DUSP16: variants seen among roughly 807,000 people sequenced by gnomAD.
DUSP16 encodes the protein dual specificity protein phosphatase 16.
DUSP16 carries 21 observed loss-of-function variants against 58.3 expected under a neutral mutation model. The observed-to-expected ratio is 0.36, with a 90% CI of 0.26 to 0.52. The LOEUF (loss-of-function observed/expected upper bound fraction) is 0.52. Ranked by LOEUF, DUSP16 falls within the 20% of genes least tolerant of loss-of-function variation. DUSP16 has a pLI of 0.94. For missense variants in DUSP16, 726 were observed against 819.0 expected (o/e 0.89, Z 1.39); for synonymous variants, 320 against 323.8 (o/e 0.99, Z 0.12).
intron 3 of DUSP16, among the ~76,000 whole-genome samples, chr12:12,515,337 T>A (rs1944132301): frequency 6.6e-6 from 1 of 151,784 alleles, no homozygotes; most frequent in South Asian, 2.1e-4. Context: ...ATGCTTTTTT[T>A]TTTTTTTGAG....
intron 3 of DUSP16, among the ~76,000 whole-genome samples, chr12:12,512,621 T>C (rs1249518351): frequency 6.6e-6 from 1 of 152,242 alleles, no homozygotes; most frequent in Non-Finnish European, 1.5e-5. Context: ...TCCTCCAGGT[T>C]CACCCATATT....
At chr12:12,510,574 A>G (rs1566008578) in intron 3 of DUSP16, among the ~76,000 whole-genome samples, 1 of 152,234 alleles carries the variant, frequency 6.6e-6, no homozygotes, top group Non-Finnish European at 1.5e-5. Context: ...CGTTTCACAT[A>G]TAAGTTCAAA....
At position 12,503,453 on chromosome 12, in the gene DUSP16, G is replaced by A. The variant is rs183241105; in HGVS notation, c.368-2771C>T. Among the ~76,000 whole-genome samples, 21 of 152,190 alleles carry A rather than the reference G, an allele frequency of 1.4e-4. No individual in the cohort carries two copies. In the East Asian group the frequency reaches 4.1e-3, roughly 29 times the overall value. ...TTGGCCAGGCTGGTCATGAACTCCTGACCTCAGGTGATCTGCCCACCTCGG... is the reference window on the plus strand; with the variant it reads ...TTGGCCAGGCTGGTCATGAACTCCTAACCTCAGGTGATCTGCCCACCTCGG... On this transcript the variant is annotated intron_variant, in intron 3 of 6. Transcript: ENST00000298573.
chr12:12,486,053 A>G (rs1443089123), intron 5 of DUSP16, among the ~76,000 whole-genome samples: 1 of 149,632 alleles, frequency 6.7e-6, no homozygotes, highest in Non-Finnish European at 1.5e-5. Flanking sequence ...TAGGCCTCCC[A>G]AAGTGCTGGG....
At chr12:12,493,515 T>G (rs1943789576) in intron 4 of DUSP16, among the ~76,000 whole-genome samples, 1 of 152,164 alleles carries the variant, frequency 6.6e-6, no homozygotes, top group African/African-American at 2.4e-5. Context: ...CTCTGAACTC[T>G]TTTTCTCAGA....
At chr12:12,536,733 C>T (rs1367865665) in intron 1 of DUSP16, among the ~76,000 whole-genome samples, 1 of 148,856 alleles carries the variant, frequency 6.7e-6, no homozygotes, top group Admixed American at 6.8e-5. Flanking sequence ...GCAACAAGAA[C>T]GAAACTCCAT....
At chr12:12,508,118 A>G (rs2136220390) in intron 3 of DUSP16, among the ~76,000 whole-genome samples, 1 of 152,344 alleles carries the variant, frequency 6.6e-6, no homozygotes, top group East Asian at 1.9e-4. Flanking sequence ...AGACAACTCT[A>G]ACATTAAAAA....
At chr12:12,536,701 C>G (rs1274352176) in intron 1 of DUSP16, among the ~76,000 whole-genome samples, 1 of 151,668 alleles carries the variant, frequency 6.6e-6, no homozygotes, top group Non-Finnish European at 1.5e-5. Context: ...GCCAAGATCG[C>G]TGCCATTGCA....
intron 1 of DUSP16, among the ~76,000 whole-genome samples, chr12:12,542,406 A>C (rs12315393): frequency 6.6e-6 from 1 of 151,240 alleles, no homozygotes; most frequent in Non-Finnish European, 1.5e-5. Context: ...AAAAAAAAAA[A>C]AAAGAAATAC....
At chr12:12,489,482 C>T (rs1943732404) in intron 4 of DUSP16, among the ~76,000 whole-genome samples, 1 of 152,188 alleles carries the variant, frequency 6.6e-6, no homozygotes, top group Admixed American at 6.5e-5. Flanking sequence ...GACTTTCTCA[C>T]CAATAGTCCT....
intron 1 of DUSP16, among the ~76,000 whole-genome samples, chr12:12,544,728 C>G (rs1023965338): frequency 2.6e-5 from 4 of 152,192 alleles, no homozygotes; most frequent in African/African-American, 9.7e-5. Flanking sequence ...TATGGCTGAA[C>G]ACTGCTAGAA....
At chr12:12,513,366 T>A (rs1362164457) in intron 3 of DUSP16, among the ~76,000 whole-genome samples, 1 of 152,182 alleles carries the variant, frequency 6.6e-6, no homozygotes, top group Non-Finnish European at 1.5e-5. Flanking sequence ...AGAATATGAC[T>A]GAAATTCTCA....
intron 1 of DUSP16, among the ~76,000 whole-genome samples, chr12:12,551,460 TAA>T (rs61650727): frequency 8.5e-4 from 114 of 134,068 alleles, no homozygotes; most frequent in African/African-American, 1.3e-3. Context: ...GAGACTGTAT[TAA>T]AAAAAAAAAA....
chr12:12,561,164 G>A (rs1308078206), intron 1 of DUSP16: 1 of 152,090 alleles, frequency 6.6e-6, no homozygotes, highest in Non-Finnish European at 1.5e-5. Context: ...TTGGTTCAAG[G>A]GGATGGCACA....
chr12:12,479,585 A>G (rs1848071821), intron 6 of DUSP16, among the ~76,000 whole-genome samples: 2 of 152,138 alleles, frequency 1.3e-5, no homozygotes, highest in Non-Finnish European at 2.9e-5. Context: ...AAAAAATCCA[A>G]CTGTTAAATC....
Position 12,487,090 on chromosome 12 carries a change from G to C in DUSP16, c.629C>G (p.Pro210Arg). Residue 210 changes from proline to arginine, a missense_variant, in exon 5 of 7, where the codon CCT (proline) becomes CGT (arginine). Transcript: ENST00000298573. ...FIPESHFLRV[P>R]VNDSFCEKIL... Reference sequence around the variant, plus strand: ...TTTCTCACAAAAGCTGTCATTCACAGGCACACGCAGGAAATGAGACTCGGG... The same window carrying C: ...TTTCTCACAAAAGCTGTCATTCACACGCACACGCAGGAAATGAGACTCGGG... The C allele has an allele frequency of 6.2e-7, 1 of 1,614,132 alleles. No homozygotes were observed. The highest frequency in any genetic ancestry group is 8.5e-7 in the Non-Finnish European group (1 of 1,180,026).
In DUSP16 at chr12:12,477,815, G is replaced by T. The variant is rs1320411868; in HGVS notation, c.1016C>A (p.Pro339Gln). The change falls in exon 7 of 7, where the codon CCA becomes CAA. Residue 339 changes from proline to glutamine, a missense_variant. Coordinates refer to ENST00000298573, the MANE Select transcript of DUSP16 (RefSeq NM_030640.3). The surrounding 1 kb of genome is among the most constrained non-coding windows in gnomAD (Gnocchi z 4.1). ...TGAGGTAGCAGAGTCGGCACAGGGT[G>T]GACTGAGGGGCGTCTCGCTTTTCTG... is the stretch of plus-strand genomic sequence containing the variant. Reference protein sequence around the residue: ...GGQKSETPLSPPCADSATSEA... With the variant: ...GGQKSETPLSQPCADSATSEA... 6.2e-7 allele frequency: 1 copy of T among 1,614,052 alleles called. No individual in the cohort carries two copies. Among genetic ancestry groups the T allele is most frequent in the African/African-American group, 1.3e-5 (1 of 75,052 alleles).
At chr12:12,515,929 C>A (rs1944144782) in intron 3 of DUSP16, among the ~76,000 whole-genome samples, 1 of 151,862 alleles carries the variant, frequency 6.6e-6, no homozygotes, top group Admixed American at 6.6e-5. Context: ...GCAGATGCCA[C>A]CATGCCCGGC....
In DUSP16 at chr12:12,562,483, GGAGA is replaced by G. The variant is rs957398950; in HGVS notation, c.-736_-733del. ...GCGTTGTGAAAGTGGGGGTTGGGGG[GGAGA>G]GAGAGGTGGTAATAATCGTTTAAAA... On this transcript the variant is annotated 5_prime_UTR_variant, in exon 1 of 7. The change abolishes the stop of an existing upstream ORF in the 5' untranslated region. Coordinates refer to ENST00000298573, the MANE Select transcript of DUSP16 (RefSeq NM_030640.3). The G allele has an allele frequency of 2.1e-5, 3 of 145,460 alleles. No homozygotes were observed. The highest frequency in any genetic ancestry group is 6.9e-5 in the Admixed American group (1 of 14,444). The allele number at this position is 145,460 out of a possible 1,614,324, so 9.0% of individuals were successfully genotyped here.
Sources: gnomAD v4.1 joint callset for allele counts (sites outside exome capture counted in the v4.1 genomes callset) on GRCh38, gnomAD v4.1.1 for gene constraint, Gnocchi (gnomAD v3.1) non-coding constraint, MANE v1.5 for transcripts, NCBI Gene and HGNC (gene_info 2026-07-23, HGNC 2026-07-21) for gene names.